Variants in ECRG4 observed in about 807,000 individuals in gnomAD.
The protein encoded by ECRG4 is ECRG4 augurin precursor.
A neutral mutation model predicts 15.8 loss-of-function variants in ECRG4; 18 were observed. That is an observed-to-expected ratio of 1.14 (90% CI 0.79 to 1.69). The LOEUF (loss-of-function observed/expected upper bound fraction) is 1.69. ECRG4 is among the 40% of genes most tolerant of loss of function. The probability of loss-of-function intolerance (pLI) is 0.00; values close to 1 mark genes in which losing one functional copy is unlikely to be tolerated. For synonymous variants in ECRG4, 82 were observed against 73.9 expected (o/e 1.11, Z -0.56); for missense variants, 200 against 190.9 (o/e 1.05, Z -0.28).
chr2:106,065,693 T>A lies in ECRG4; in HGVS notation c.-72T>A, dbSNP rs1676193634. 8.0e-7 allele frequency: 1 copy of A among 1,243,466 alleles called. No homozygotes were observed. The highest frequency in any genetic ancestry group is 3.1e-5 in the Admixed American group (1 of 32,306). 77.0% of individuals were successfully genotyped at this position (1,243,466 alleles called of 1,614,324 possible). A position where few individuals can be genotyped will look rare whatever the true frequency, so the allele number is the denominator to read the frequency against. On this transcript the variant is annotated 5_prime_UTR_variant, in exon 1 of 4. Transcript: ENST00000238044. ...GGCCGCGCCTGCCCGCTCGCACCCC[T>A]CTCCCGCGCCCGGTTCTCCCTCGCA...
chr2:106,070,903 C>A (rs1257032327), intron 1 of ECRG4: 1 of 471,262 alleles, frequency 2.1e-6, no homozygotes, highest in Non-Finnish European at 4.4e-6. Flanking sequence ...AGTTGCTCTA[C>A]TCACTACTTA....
chr2:106,077,678 A>G, intron 3 of ECRG4, 87 bp from the exon 4 acceptor site: 4 of 1,256,482 alleles, frequency 3.2e-6, no homozygotes, highest in East Asian at 4.7e-5. Flanking sequence ...AAAAACCACC[A>G]TGAAGAAAAG....
intron 1 of ECRG4, among the ~76,000 whole-genome samples, chr2:106,070,432 CT>C (rs1321027183): frequency 1.3e-5 from 2 of 152,174 alleles, no homozygotes; most frequent in Middle Eastern, 3.2e-3. Context: ...GGTTAGGTGG[CT>C]GCTTACGGAC....
chr2:106,076,015 G>A (rs1282504196), intron 3 of ECRG4, among the ~76,000 whole-genome samples: 1 of 152,050 alleles, frequency 6.6e-6, no homozygotes, highest in Admixed American at 6.5e-5. Flanking sequence ...AAAACTGCAA[G>A]CAAACTTGTA....
chr2:106,073,498 C>T (rs757166052), intron 2 of ECRG4, among the ~76,000 whole-genome samples: 3 of 152,092 alleles, frequency 2.0e-5, no homozygotes, highest in African/African-American at 4.8e-5. Flanking sequence ...TGGACATGCC[C>T]GTATACCTGT....
In ECRG4 at chr2:106,077,869, TC is replaced by T. The variant is rs1676518200; in HGVS notation, c.394del (p.Arg132GlyfsTer74). The part of the protein sequence containing the change: ...RHYDEDSAIG[P>X]RSPYGFRHGA... ...ACTATGATGAAGACTCTGCAATTGGTCCCCGGAGCCCCTACGGCTTTAGGCA... is the reference window on the plus strand; with the variant it reads ...ACTATGATGAAGACTCTGCAATTGGTCCCGGAGCCCCTACGGCTTTAGGCA... On this transcript the variant is annotated frameshift_variant, in exon 4 of 4. Coordinates refer to ENST00000238044, the MANE Select transcript of ECRG4 (RefSeq NM_032411.3). LOFTEE classifies it high-confidence loss of function. 6 of 1,614,132 alleles carry T rather than the reference TC, an allele frequency of 3.7e-6. No individual in the cohort carries two copies. The East Asian group carries it at 1.3e-4, about 36-fold the overall frequency.
At chr2:106,067,452 A>C (rs61194367) in intron 1 of ECRG4, among the ~76,000 whole-genome samples, 43,155 of 151,672 alleles carry the variant, frequency 0.28, 6,544 homozygotes, top group East Asian at 0.46. Context: ...GGGATGTGAA[A>C]GTTCTTATAC....
chr2:106,071,352 AGAAAG>A (rs371529521), intron 1 of ECRG4, among the ~76,000 whole-genome samples: 3 of 130,004 alleles, frequency 2.3e-5, no homozygotes, highest in Admixed American at 8.0e-5. Flanking sequence ...AAAAAAAAAA[AGAAAG>A]AAAGAAAAGA....
chr2:106,070,254 C>G (rs1676334006), intron 1 of ECRG4, among the ~76,000 whole-genome samples: 1 of 152,200 alleles, frequency 6.6e-6, no homozygotes, highest in South Asian at 2.1e-4. Flanking sequence ...AGTGTGGCCA[C>G]CCTACCCGTG....
intron 2 of ECRG4, among the ~76,000 whole-genome samples, chr2:106,072,942 C>T (rs1446442561): frequency 2.0e-5 from 3 of 152,206 alleles, no homozygotes; most frequent in Admixed American, 2.0e-4. Context: ...CAGTTCAAAT[C>T]AAGAAACACA....
At chr2:106,067,260 C>T (rs1351337569) in intron 1 of ECRG4, among the ~76,000 whole-genome samples, 1 of 151,380 alleles carries the variant, frequency 6.6e-6, no homozygotes, top group African/African-American at 2.4e-5. Flanking sequence ...CCATTGCACT[C>T]CAGCCTGGGT....
intron 1 of ECRG4, 47 bp downstream of exon 1, chr2:106,065,890 G>A: frequency 7.0e-7 from 1 of 1,425,828 alleles, no homozygotes; most frequent in Non-Finnish European, 9.2e-7. Context: ...CCAGGGGTTG[G>A]CCCCATGTGG....
At chr2:106,074,934 G>A (rs10191073) in intron 3 of ECRG4, among the ~76,000 whole-genome samples, 138,964 of 152,314 alleles carry the variant, frequency 0.91, 63,455 homozygotes, top group Admixed American at 0.94. Context: ...GCTACATAAA[G>A]TGAAATCATG....
chr2:106,075,811 A>C (rs1676476516), intron 3 of ECRG4, among the ~76,000 whole-genome samples: 1 of 152,272 alleles, frequency 6.6e-6, no homozygotes, highest in African/African-American at 2.4e-5. Flanking sequence ...GGATCAAATA[A>C]GATTACAGTA....
chr2:106,065,892 C>G (rs1256905955), intron 1 of ECRG4, 49 bp downstream of exon 1: 1 of 1,426,408 alleles, frequency 7.0e-7, no homozygotes, highest in Non-Finnish European at 9.2e-7. Context: ...AGGGGTTGGC[C>G]CCATGTGGCG....
At chr2:106,073,087 A>G (rs549534546) in intron 2 of ECRG4, among the ~76,000 whole-genome samples, 133 of 152,318 alleles carry the variant, frequency 8.7e-4, no homozygotes, top group African/African-American at 3.2e-3. Context: ...GATCCTGTGC[A>G]TTTTTCCTAA....
At chr2:106,074,234 T>C in intron 3 of ECRG4, 191 bp downstream of exon 3, 1 of 641,044 alleles carries the variant, frequency 1.6e-6, no homozygotes, top group Middle Eastern at 4.3e-4. Flanking sequence ...TGGCTGGAAG[T>C]TTCCACCAGG....
chr2:106,074,718 G>A (rs981504183), intron 3 of ECRG4, among the ~76,000 whole-genome samples: 4 of 152,230 alleles, frequency 2.6e-5, no homozygotes, highest in African/African-American at 9.6e-5. Context: ...TGAGGAGGCT[G>A]AGCTCCCTGT....
At chr2:106,074,212 G>C in intron 3 of ECRG4, 169 bp downstream of exon 3, 1 of 743,794 alleles carries the variant, frequency 1.3e-6, no homozygotes, top group African/African-American at 1.8e-5. Context: ...GTTACCTATG[G>C]TGTAAGGGCG....
Sources: allele counts gnomAD v4.1 joint callset (sites outside exome capture counted in the v4.1 genomes callset), GRCh38; gene constraint gnomAD v4.1.1; transcripts MANE v1.5; gene names NCBI Gene and HGNC (gene_info 2026-07-23, HGNC 2026-07-21).